Variants in NAALADL2 observed in about 807,000 individuals in gnomAD.
The protein encoded by NAALADL2 is N-acetylated alpha-linked acidic dipeptidase like 2.
NAALADL2 carries 76 observed loss-of-function variants against 87.2 expected under a neutral mutation model. That is an observed-to-expected ratio of 0.87 (90% confidence interval 0.72 to 1.05). The LOEUF is 1.05. Among genes scored for constraint, NAALADL2 ranks in the 50% least tolerant of loss-of-function variants. The pLI is 0.00. For missense variants in NAALADL2, 1,089 were observed against 945.8 expected (o/e 1.15, Z -1.99); for synonymous variants, 354 against 331.0 (o/e 1.07, Z -0.75).
chr3:174,456,411 C>CAAAAAAA (rs59833697), intron 1 of NAALADL2, among the ~76,000 whole-genome samples: 225 of 56,188 alleles, frequency 4.0e-3, no homozygotes, highest in African/African-American at 6.1e-3. Flanking sequence ...CAATCCTAAG[C>CAAAAAAA]AAAAAAAAAA....
At chr3:175,232,851 A>C (rs1272122871) in intron 2 of NAALADL2, among the ~76,000 whole-genome samples, 1 of 151,982 alleles carries the variant, frequency 6.6e-6, no homozygotes, top group African/African-American at 2.4e-5. Context: ...CCCCAAAAGG[A>C]AATTTTTCTT....
chr3:175,254,147 G>A (rs990801065), intron 3 of NAALADL2, among the ~76,000 whole-genome samples: 1 of 152,106 alleles, frequency 6.6e-6, no homozygotes, highest in Non-Finnish European at 1.5e-5. Context: ...GAGAGATACA[G>A]AGAAATATTT....
At chr3:175,396,805 A>C (rs995634666) in intron 5 of NAALADL2, among the ~76,000 whole-genome samples, 3 of 152,020 alleles carry the variant, frequency 2.0e-5, no homozygotes, top group African/African-American at 7.2e-5. Flanking sequence ...AGCTTCCCCC[A>C]CCACCTTCAC....
At chr3:174,799,976 C>T (rs1396516037) in intron 3 of NAALADL2, among the ~76,000 whole-genome samples, 1 of 151,206 alleles carries the variant, frequency 6.6e-6, no homozygotes, top group Non-Finnish European at 1.5e-5. Context: ...GAACTTTGAA[C>T]TTCAGAGAGA....
intron 1 of NAALADL2, among the ~76,000 whole-genome samples, chr3:174,941,232 T>C (rs1002729498): frequency 2.6e-5 from 4 of 152,178 alleles, no homozygotes; most frequent in Non-Finnish European, 4.4e-5. Context: ...AAGAACTTCT[T>C]GATTTCTGCC....
intron 4 of NAALADL2, among the ~76,000 whole-genome samples, chr3:175,301,308 G>A (rs1423076271): frequency 6.6e-6 from 1 of 152,052 alleles, no homozygotes; most frequent in African/African-American, 2.4e-5. Flanking sequence ...ATAGCATTAG[G>A]AGAAATACCT....
intron 2 of NAALADL2, among the ~76,000 whole-genome samples, chr3:175,167,358 G>A (rs1263716587): frequency 6.6e-6 from 1 of 152,050 alleles, no homozygotes; most frequent in Admixed American, 6.6e-5. Context: ...CACCCACCCT[G>A]AATGACTTCT....
intron 1 of NAALADL2, among the ~76,000 whole-genome samples, chr3:175,053,814 A>G (rs1711521960): frequency 6.6e-6 from 1 of 152,210 alleles, no homozygotes; most frequent in Non-Finnish European, 1.5e-5. Flanking sequence ...ACTTCTTTCC[A>G]GGTAATGCTG....
intron 3 of NAALADL2, among the ~76,000 whole-genome samples, chr3:175,241,860 T>TTTTTTG: frequency 8.1e-6 from 1 of 124,190 alleles, no homozygotes; most frequent in Non-Finnish European, 1.7e-5. Flanking sequence ...GCTGAATTTT[T>TTTTTTG]TTTTTTTTTT....
chr3:175,131,694 T>C (rs369887038), intron 2 of NAALADL2, among the ~76,000 whole-genome samples: 1 of 147,294 alleles, frequency 6.8e-6, no homozygotes, highest in Non-Finnish European at 1.5e-5. Context: ...GGGCAGAGGG[T>C]CTCCTCACTT....
chr3:174,513,186 T>C (rs1719719476), intron 1 of NAALADL2, among the ~76,000 whole-genome samples: 1 of 152,106 alleles, frequency 6.6e-6, no homozygotes, highest in Non-Finnish European at 1.5e-5. Flanking sequence ...GGTCTTGAAC[T>C]CCTGATCTCC....
chr3:175,746,712 AT>A (rs1745984774), intron 12 of NAALADL2, among the ~76,000 whole-genome samples: 1 of 152,240 alleles, frequency 6.6e-6, no homozygotes, highest in African/African-American at 2.4e-5. Flanking sequence ...ACTCTAAAGC[AT>A]TCAATGAGAA....
rs115302618 is a variant in NAALADL2 at position 174,798,181 on chromosome 3, A to G, written c.-9+60435A>G. 1.0e-2 allele frequency among the ~76,000 whole-genome samples: 1,521 copies of G among 152,262 alleles called. 7 individuals are homozygous for G. Among genetic ancestry groups the G allele is most frequent in the Non-Finnish European group, 0.015 (997 of 68,024 alleles). ...CATAAATATATGGGATTATTTCTGA[A>G]CTCTCAATTCCATTCCATTAATCTA... On this transcript the variant is annotated intron_variant, in intron 3 of 3. Transcript: ENST00000434257.
chr3:174,772,601 T>C (rs992979707), intron 3 of NAALADL2, among the ~76,000 whole-genome samples: 1 of 152,174 alleles, frequency 6.6e-6, no homozygotes, highest in Admixed American at 6.5e-5. Context: ...ATGGTGGTAA[T>C]AATTACATGA....
At chr3:174,591,137 C>T (rs1193461962) in intron 2 of NAALADL2, among the ~76,000 whole-genome samples, 1 of 152,182 alleles carries the variant, frequency 6.6e-6, no homozygotes, top group Non-Finnish European at 1.5e-5. Context: ...CTTGGCTGAT[C>T]CTCTGGAGAC....
At chr3:174,542,701 A>G (rs1183373332) in intron 1 of NAALADL2, among the ~76,000 whole-genome samples, 4 of 152,148 alleles carry the variant, frequency 2.6e-5, no homozygotes, top group Middle Eastern at 3.2e-3. Context: ...TTGTCAACAT[A>G]CAGATGTTGA....
At chr3:174,820,705 T>C (rs952829746) in intron 3 of NAALADL2, among the ~76,000 whole-genome samples, 1 of 152,066 alleles carries the variant, frequency 6.6e-6, no homozygotes, top group African/African-American at 2.4e-5. Context: ...ATAAGATAAT[T>C]AAAGAAGAAA....
chr3:174,441,477 G>C (rs967607991), intron 1 of NAALADL2, among the ~76,000 whole-genome samples: 1 of 152,180 alleles, frequency 6.6e-6, no homozygotes, highest in East Asian at 1.9e-4. Context: ...CGCAGGTAAA[G>C]AGCGGCGCCG....
At chr3:175,131,694 T>G (rs369887038) in intron 2 of NAALADL2, among the ~76,000 whole-genome samples, 36 of 147,344 alleles carry the variant, frequency 2.4e-4, no homozygotes, top group East Asian at 8.2e-4. Context: ...GGGCAGAGGG[T>G]CTCCTCACTT....
Sources: gnomAD v4.1 joint callset for allele counts (sites outside exome capture counted in the v4.1 genomes callset) on GRCh38, gnomAD v4.1.1 for gene constraint, MANE v1.5 for transcripts, NCBI Gene and HGNC (gene_info 2026-07-23, HGNC 2026-07-21) for gene names.